DMD: variants seen among roughly 807,000 people sequenced by gnomAD.
The protein encoded by DMD is mutant dystrophin.
In DMD, 63 loss-of-function variants were observed where a neutral mutation model predicts 330.1. The observed-to-expected ratio is 0.19, with a 90% CI of 0.16 to 0.24. The LOEUF (loss-of-function observed/expected upper bound fraction) is 0.24, where lower values mean the gene tolerates loss of function less well. Ranked by LOEUF, DMD falls within the 10% of genes least tolerant of loss-of-function variation. The pLI is 1.00. For missense variants in DMD, 3,344 were observed against 2,684.1 expected, an observed-to-expected ratio of 1.25 and a Z score of -5.43; for synonymous variants, 1,223 against 959.8, an observed-to-expected ratio of 1.27 and a Z score of -5.07.
Position 31,146,390 on chromosome X carries a change from C to T in DMD, c.10822G>A (p.Gly3608Ser). ...GTAGAAGGAGAGGACACCGTTGTGC[C>T]ATTCACTTTGGCCTCTGCCTGGGGC... ...EQPQAEAKVN[G>S]TTVSSPSTSL... Residue 3608 changes from glycine to serine, a missense_variant, in exon 76 of 79, where the codon GGC becomes AGC. Coordinates refer to ENST00000357033, the MANE Select transcript of DMD (RefSeq NM_004006.3). The T allele has an allele frequency of 3.3e-6, 4 of 1,210,636 alleles. No homozygotes were observed. The highest frequency in any genetic ancestry group is 4.5e-6 in the Non-Finnish European group (4 of 894,632).
intron 43 of DMD, among the ~76,000 whole-genome samples, chrX:32,253,490 T>TATTTGGTGACAATCGCATTCACTTTGTA (rs2097285307): frequency 9.1e-6 from 1 of 109,811 alleles, no homozygotes; most frequent in African/African-American, 3.3e-5. Context: ...TGGGAGATGT[T>TATTTGGTGACAATCGCATTCACTTTGTA]TATTTGGTGA....
At chrX:32,995,619 T>G (rs898876379) in intron 2 of DMD, among the ~76,000 whole-genome samples, 4 of 112,236 alleles carry the variant, frequency 3.6e-5, no homozygotes, top group Non-Finnish European at 7.5e-5. Flanking sequence ...GGAAGAAGGC[T>G]GGGATCCTGT....
chrX:31,611,442 C>A (rs770790462), intron 55 of DMD, among the ~76,000 whole-genome samples: 1 of 111,427 alleles, frequency 9.0e-6, no homozygotes, highest in South Asian at 3.8e-4. Flanking sequence ...TCTCTAAATA[C>A]CTTAATACTT....
At chrX:32,201,730 C>T (rs973291098) in intron 44 of DMD, among the ~76,000 whole-genome samples, 5 of 111,001 alleles carry the variant, frequency 4.5e-5, no homozygotes, top group African/African-American at 1.6e-4. Flanking sequence ...GGGCTGTCCA[C>T]TTACTCCCTG....
At chrX:32,320,977 A>G (rs1194471686) in intron 41 of DMD, among the ~76,000 whole-genome samples, 1 of 111,870 alleles carries the variant, frequency 8.9e-6, no homozygotes, top group Non-Finnish European at 1.9e-5. Context: ...ATTTTACTGA[A>G]TTGCTAATAC....
At chrX:32,636,554 A>G (rs2059108801) in intron 11 of DMD, among the ~76,000 whole-genome samples, 1 of 112,462 alleles carries the variant, frequency 8.9e-6, no homozygotes, top group Non-Finnish European at 1.9e-5. Context: ...TTTGTCCTCC[A>G]TCCATATAGC....
chrX:32,634,389 C>T (rs1346290464), intron 11 of DMD, among the ~76,000 whole-genome samples: 1 of 112,035 alleles, frequency 8.9e-6, no homozygotes, highest in East Asian at 2.8e-4. Flanking sequence ...CCTCTCCTTT[C>T]CTGAAGCAGA....
chrX:32,264,181 T>A (rs1365910210), intron 43 of DMD, among the ~76,000 whole-genome samples: 1 of 110,778 alleles, frequency 9.0e-6, no homozygotes, highest in Non-Finnish European at 1.9e-5. Context: ...TCATGAGAGC[T>A]GATGGTTTCA....
intron 2 of DMD, among the ~76,000 whole-genome samples, chrX:32,979,821 A>G (rs1450470839): frequency 9.0e-6 from 1 of 111,434 alleles, no homozygotes; most frequent in Admixed American, 9.6e-5. Flanking sequence ...TGAGGAAGAA[A>G]CATTAAGTTG....
intron 51 of DMD, among the ~76,000 whole-genome samples, chrX:31,772,611 T>G (rs1268478256): frequency 9.0e-6 from 1 of 111,334 alleles, no homozygotes; most frequent in East Asian, 2.8e-4. Flanking sequence ...TAGTATGTAT[T>G]GCTTGCAGTA....
intron 63 of DMD, among the ~76,000 whole-genome samples, chrX:31,250,800 G>A (rs1174704114): frequency 1.8e-5 from 2 of 111,068 alleles, no homozygotes; most frequent in African/African-American, 3.3e-5. Context: ...AACCACCACC[G>A]CGGCTGGGTG....
At chrX:32,343,620 G>A (rs1344615116) in intron 39 of DMD, among the ~76,000 whole-genome samples, 1 of 110,926 alleles carries the variant, frequency 9.0e-6, no homozygotes, top group Non-Finnish European at 1.9e-5. Flanking sequence ...GAATACAATT[G>A]ACTTAACTAG....
intron 64 of DMD, among the ~76,000 whole-genome samples, chrX:31,219,206 G>A (rs2045723121): frequency 9.0e-6 from 1 of 111,132 alleles, no homozygotes; most frequent in Non-Finnish European, 1.9e-5. Flanking sequence ...CTACCCAACA[G>A]GGACTTGTCA....
chrX:31,485,633 C>T (rs2068739549), intron 57 of DMD, among the ~76,000 whole-genome samples: 1 of 111,467 alleles, frequency 9.0e-6, no homozygotes, highest in African/African-American at 3.3e-5. Flanking sequence ...ATGAGAGGAA[C>T]AAGAGGAGAA....
chrX:32,335,899 T>TACACATATAATATAACATGTTATAC, intron 41 of DMD, among the ~76,000 whole-genome samples: 1 of 105,602 alleles, frequency 9.5e-6, no homozygotes, highest in African/African-American at 3.5e-5. Flanking sequence ...TAACATGTTA[T>TACACATATAATATAACATGTTATAC]ACATATAACG....
chrX:33,163,552 G>GTGTA (rs1247410085), intron 1 of DMD, among the ~76,000 whole-genome samples: 1 of 91,003 alleles, frequency 1.1e-5, no homozygotes, highest in Non-Finnish European at 2.2e-5. Flanking sequence ...ATATATGTGT[G>GTGTA]TATATATATA....
chrX:32,406,159 C>T (rs187302049), intron 30 of DMD, among the ~76,000 whole-genome samples: 16,296 of 110,701 alleles, frequency 0.15, 1,054 homozygotes, highest in African/African-American at 0.23. Flanking sequence ...TGGGCTGAGA[C>T]AATGGGGTTT....
intron 13 of DMD, among the ~76,000 whole-genome samples, chrX:32,585,776 T>C (rs1380110373): frequency 2.8e-5 from 3 of 107,619 alleles, no homozygotes; most frequent in African/African-American, 6.7e-5. Flanking sequence ...CCCTGTAATT[T>C]TGTATGGTGG....
intron 7 of DMD, among the ~76,000 whole-genome samples, chrX:32,751,400 C>A (rs1024839827): frequency 9.0e-6 from 1 of 111,431 alleles, no homozygotes; most frequent in African/African-American, 3.3e-5. Context: ...AGACTGGGAG[C>A]ATTTTGCTCC....
Sources: allele counts gnomAD v4.1 joint callset (sites outside exome capture counted in the v4.1 genomes callset), GRCh38; gene constraint gnomAD v4.1.1; transcripts MANE v1.5; gene names NCBI Gene and HGNC (gene_info 2026-07-23, HGNC 2026-07-21).